Variants in PDZRN3 observed in about 807,000 individuals in gnomAD.
The protein encoded by PDZRN3 is PDZ domain containing ring finger 3.
PDZRN3 carries 38 observed loss-of-function variants against 85.7 expected under a neutral mutation model. The ratio of observed to expected loss-of-function variants is 0.44; its 90% confidence interval spans 0.34 to 0.58. PDZRN3 has a LOEUF of 0.58. Among genes scored for constraint, PDZRN3 ranks in the 20% least tolerant of loss-of-function variants. The pLI is 0.01. For synonymous variants in PDZRN3, 759 were observed against 638.0 expected (o/e 1.19, Z -2.86); for missense variants, 1,629 against 1,506.4 (o/e 1.08, Z -1.35).
At chr3:73,469,860 G>A (rs370228976) in intron 3 of PDZRN3, among the ~76,000 whole-genome samples, 1 of 152,296 alleles carries the variant, frequency 6.6e-6, no homozygotes, top group East Asian at 1.9e-4. Flanking sequence ...TATCTTGGTA[G>A]CTTAAGGCAG....
chr3:73,606,490 C>A (rs1277532057), intron 2 of PDZRN3, among the ~76,000 whole-genome samples: 5 of 152,132 alleles, frequency 3.3e-5, no homozygotes, highest in Non-Finnish European at 7.3e-5. Context: ...GCAGCAAGGA[C>A]TAAATCAGAA....
chr3:73,460,354 T>C (rs1559691403), intron 3 of PDZRN3, among the ~76,000 whole-genome samples: 10 of 152,328 alleles, frequency 6.6e-5, no homozygotes, highest in South Asian at 4.1e-4. Flanking sequence ...GTGTCTTTCA[T>C]GGACATGAGC....
intron 3 of PDZRN3, chr3:73,408,164 G>C (rs750776998): frequency 1.7e-5 from 12 of 703,286 alleles, no homozygotes; most frequent in Non-Finnish European, 2.9e-5. Flanking sequence ...CTCAGAGGTG[G>C]AGTGTGCAGG....
At chr3:73,495,976 C>T (rs1452255701) in intron 3 of PDZRN3, among the ~76,000 whole-genome samples, 3 of 151,694 alleles carry the variant, frequency 2.0e-5, no homozygotes, top group Non-Finnish European at 4.4e-5. Flanking sequence ...ATCCCCCCTG[C>T]CAAGATTTTC....
intron 3 of PDZRN3, among the ~76,000 whole-genome samples, chr3:73,430,322 C>G (rs569430126): frequency 6.6e-6 from 1 of 152,274 alleles, no homozygotes; most frequent in East Asian, 1.9e-4. Flanking sequence ...ATAAGTTTTC[C>G]TTATCCTGAA....
At chr3:73,510,112 C>T (rs972718216) in intron 3 of PDZRN3, among the ~76,000 whole-genome samples, 1 of 152,144 alleles carries the variant, frequency 6.6e-6, no homozygotes, top group Non-Finnish European at 1.5e-5. Flanking sequence ...CAGGAAAATA[C>T]CAAATAGATT....
In PDZRN3 at chr3:73,384,686, G is replaced by A. The variant is rs1576016076; in HGVS notation, c.1880C>T (p.Ser627Leu). 6.2e-7 allele frequency: 1 copy of A among 1,614,024 alleles called. No homozygotes were observed. Among genetic ancestry groups the A allele is most frequent in the Non-Finnish European group, 8.5e-7 (1 of 1,180,032 alleles). The change falls in exon 10 of 10, where the codon TCG becomes TTG. Residue 627 changes from serine to leucine, a missense_variant. By Grantham distance (145) the Ser-to-Leu change is moderately radical. Coordinates refer to ENST00000263666, the MANE Select transcript of PDZRN3 (RefSeq NM_015009.3). ...GTAGTCGGCGTCCGTGCAGTCGGCC[G>A]AAATGAAAGACTCGTTGCTGAAGGG... Reference protein sequence around the residue: ...DLPFSNESFISADCTDADYLG... With the variant: ...DLPFSNESFILADCTDADYLG...
rs13058862 is a variant in PDZRN3 at position 73,397,019 on chromosome 3, T to G, written c.1254+3903A>C. Among the ~76,000 whole-genome samples, 9 of 150,698 alleles carry G rather than the reference T, an allele frequency of 6.0e-5. 1 individual carries two copies. The highest frequency in any genetic ancestry group is 5.4e-4 in the Admixed American group (8 of 14,928). ...GGGAGAACATCTGTTTTTCTTTTAT[T>G]TCTTTCTTCTTTTTCTTTCTTTTTT... On this transcript the variant is annotated intron_variant, in intron 5 of 9. Transcript: ENST00000263666.
chr3:73,469,274 T>A (rs935439859), intron 3 of PDZRN3, among the ~76,000 whole-genome samples: 1 of 152,244 alleles, frequency 6.6e-6, no homozygotes, highest in East Asian at 1.9e-4. Context: ...GGTTTCACCA[T>A]GTTGGCCAGG....
chr3:73,445,472 A>C (rs1702728576), intron 3 of PDZRN3, among the ~76,000 whole-genome samples: 2 of 152,174 alleles, frequency 1.3e-5, no homozygotes, highest in African/African-American at 4.8e-5. Flanking sequence ...ACAAAACAAC[A>C]CTGCAAAGTG....
At chr3:73,596,092 A>G (rs1702426971) in intron 3 of PDZRN3, among the ~76,000 whole-genome samples, 2 of 152,164 alleles carry the variant, frequency 1.3e-5, no homozygotes, top group South Asian at 4.1e-4. Context: ...AGGAAGTAGG[A>G]AAGTGCTCAA....
intron 3 of PDZRN3, among the ~76,000 whole-genome samples, chr3:73,419,785 T>G (rs1263468580): frequency 6.6e-6 from 1 of 152,226 alleles, no homozygotes; most frequent in Non-Finnish European, 1.5e-5. Flanking sequence ...ATCGCAGGCT[T>G]GGCATATCAA....
chr3:73,598,825 C>T (rs1702469651), intron 3 of PDZRN3, among the ~76,000 whole-genome samples: 1 of 152,202 alleles, frequency 6.6e-6, no homozygotes, highest in Non-Finnish European at 1.5e-5. Context: ...AACTCAATTC[C>T]TATCTCAAGG....
chr3:73,420,881 T>A (rs926932904), intron 3 of PDZRN3, among the ~76,000 whole-genome samples: 3 of 152,198 alleles, frequency 2.0e-5, no homozygotes, highest in African/African-American at 7.2e-5. Flanking sequence ...AGTATTTGCA[T>A]CCTCCCATAT....
chr3:73,543,852 A>T (rs1248970800), intron 3 of PDZRN3, among the ~76,000 whole-genome samples: 1 of 152,382 alleles, frequency 6.6e-6, no homozygotes, highest in East Asian at 1.9e-4. Context: ...GAGATTCAGT[A>T]GTTTTAGCTG....
chr3:73,558,597 C>T (rs80005092), intron 3 of PDZRN3, among the ~76,000 whole-genome samples: 11 of 152,148 alleles, frequency 7.2e-5, no homozygotes, highest in African/African-American at 2.2e-4. Context: ...TTTTCCTGTT[C>T]GGTCCCGCTC....
At chr3:73,390,023 C>G in intron 6 of PDZRN3, 145 bp from the exon 7 acceptor site, 1 of 674,470 alleles carries the variant, frequency 1.5e-6, no homozygotes, top group Non-Finnish European at 2.7e-6. Flanking sequence ...TAGTGTCGTG[C>G]AAGGAGAGGC....
intron 3 of PDZRN3, among the ~76,000 whole-genome samples, chr3:73,505,686 A>G (rs1704057501): frequency 1.3e-5 from 2 of 152,300 alleles, no homozygotes; most frequent in East Asian, 1.9e-4. Context: ...TATTTTCATC[A>G]TCAGAAACTT....
At chr3:73,582,767 C>T (rs1559747861) in intron 3 of PDZRN3, among the ~76,000 whole-genome samples, 1 of 151,992 alleles carries the variant, frequency 6.6e-6, no homozygotes, top group Non-Finnish European at 1.5e-5. Flanking sequence ...AGTGGTGTCA[C>T]TTGTAAAATG....
Sources: allele counts gnomAD v4.1 joint callset (sites outside exome capture counted in the v4.1 genomes callset), GRCh38; gene constraint gnomAD v4.1.1; transcripts MANE v1.5; gene names NCBI Gene and HGNC (gene_info 2026-07-23, HGNC 2026-07-21).